The following HTT variants were observed in gnomAD, a reference collection of about 807,000 sequenced individuals.
HTT encodes the protein huntingtin, also known as huntington disease protein.
Under a neutral mutation model 362.3 loss-of-function variants are expected in HTT, and 104 were observed. That is an observed-to-expected ratio of 0.29 (90% CI 0.24 to 0.34). The LOEUF (loss-of-function observed/expected upper bound fraction) is 0.34. HTT is among the 10% of genes least tolerant of loss of function. The pLI, the probability that HTT is intolerant of heterozygous loss-of-function variation, is 1.00. For missense variants in HTT, 3,301 were observed against 3,928.6 expected (o/e 0.84, Z 4.27); for synonymous variants, 1,577 against 1,548.7 (o/e 1.02, Z -0.43).
In HTT at chr4:3,228,144, A is replaced by G. The variant is rs1333893270; in HGVS notation, c.7849-471A>G. On this transcript the variant is annotated intron_variant, in intron 57 of 66. Transcript: ENST00000355072. The surrounding 1 kb of genome is among the most constrained non-coding windows in gnomAD (Gnocchi z 4.3). ...TCCCGAGAACCAGGCAGAAAGGAGG[A>G]CAGTCGAGGTGTGCTGACTGCGTGG... Among the ~76,000 whole-genome samples the G allele has an allele frequency of 6.6e-6, 1 of 152,036 alleles. No homozygotes were observed. The highest frequency in any genetic ancestry group is 1.5e-5 in the Non-Finnish European group (1 of 67,968).
chr4:3,215,502 A>G (rs565189739), intron 51 of HTT, among the ~76,000 whole-genome samples: 1 of 152,126 alleles, frequency 6.6e-6, no homozygotes, highest in Non-Finnish European at 1.5e-5. Context: ...CACACTCTGC[A>G]GTTATTCTGA....
In HTT at chr4:3,229,437, A is replaced by G. The variant is rs111203488; in HGVS notation, c.8109+428A>G. ...CCACACACAGCACACAACCACACAC[A>G]TGCACCACACACATGCCACATGTGC... On this transcript the variant is annotated intron_variant, in intron 59 of 66. Transcript: ENST00000355072. Among the ~76,000 whole-genome samples, 989 of 148,816 alleles carry G rather than the reference A, an allele frequency of 6.6e-3. 10 individuals are homozygous for G. The highest frequency in any genetic ancestry group is 0.023 in the African/African-American group (927 of 39,868).
At chr4:3,136,181 T>A in intron 20 of HTT, 45 bp from the exon 21 acceptor site, 1 of 1,348,764 alleles carries the variant, frequency 7.4e-7, no homozygotes, top group East Asian at 2.3e-5. Context: ...TAAAATTTAG[T>A]CAAATACAAG....
rs545249927 is a variant in HTT, at chr4:3,212,545, C to T, written c.6629-19C>T. 72 of 1,611,530 alleles carry T rather than the reference C, an allele frequency of 4.5e-5. No individual in the cohort carries two copies. In the Admixed American group the frequency reaches 9.0e-4, roughly 20 times the overall value. ...CTGTGCTCACGTTTGCACCCACCCA[C>T]GAGGTCCTTCTGTTTCAGGGGATGC... On this transcript the variant is annotated intron_variant, in intron 48 of 66. Transcript: ENST00000355072.
chr4:3,133,987 G>A (rs1240678889), intron 18 of HTT, among the ~76,000 whole-genome samples: 3 of 152,082 alleles, frequency 2.0e-5, no homozygotes, highest in Non-Finnish European at 2.9e-5. Flanking sequence ...CTGTTCTCTC[G>A]TGCTGTGGAG....
At chr4:3,123,780 G>A (rs1375466956) in intron 10 of HTT, among the ~76,000 whole-genome samples, 1 of 152,172 alleles carries the variant, frequency 6.6e-6, no homozygotes, top group Non-Finnish European at 1.5e-5. Context: ...ATATCAGAAT[G>A]TTCTGATAAA....
At chr4:3,199,674 C>T (rs1719441049) in intron 40 of HTT, 58 bp from the exon 41 acceptor site, 4 of 1,465,468 alleles carry the variant, frequency 2.7e-6, no homozygotes, top group African/African-American at 1.4e-5. Flanking sequence ...CTTCGCGTAG[C>T]CATGTGGCAC....
At chr4:3,191,744 A>G (rs2110253036) in intron 40 of HTT, among the ~76,000 whole-genome samples, 1 of 152,302 alleles carries the variant, frequency 6.6e-6, no homozygotes, top group South Asian at 2.1e-4. Flanking sequence ...AATAGAACTA[A>G]ACATGTAATT....
At chr4:3,166,593 C>T (rs1717719316) in intron 29 of HTT, among the ~76,000 whole-genome samples, 1 of 152,256 alleles carries the variant, frequency 6.6e-6, no homozygotes, top group African/African-American at 2.4e-5. Context: ...AGCTTCCCTG[C>T]TGCTTTGTTT....
At chr4:3,171,336 G>A (rs1717960244) in intron 29 of HTT, among the ~76,000 whole-genome samples, 1 of 152,094 alleles carries the variant, frequency 6.6e-6, no homozygotes, top group Non-Finnish European at 1.5e-5. Flanking sequence ...ATTGGTGTTG[G>A]CTTTTAGCAG....
chr4:3,084,141 G>T (rs1713072139), intron 1 of HTT, among the ~76,000 whole-genome samples: 2 of 151,804 alleles, frequency 1.3e-5, no homozygotes, highest in East Asian at 3.9e-4. Context: ...AGAGAGGGAG[G>T]TGAATGTGGT....
chr4:3,201,947 T>C (rs1266406001), intron 41 of HTT, among the ~76,000 whole-genome samples: 1 of 152,184 alleles, frequency 6.6e-6, no homozygotes, highest in East Asian at 1.9e-4. Context: ...CTTGACCCTC[T>C]CTCGGTTTGT....
chr4:3,188,311 C>A, intron 39 of HTT: 1 of 174,100 alleles, frequency 5.7e-6, no homozygotes, highest in Non-Finnish European at 1.2e-5. Context: ...CAGCCTGCCT[C>A]CAATAAATAC....
rs1438417120 is a variant in HTT at position 3,242,494 on chromosome 4, G to T, written c.*2435G>T. On this transcript the variant is annotated 3_prime_UTR_variant, in exon 67 of 67. Coordinates refer to ENST00000355072, the MANE Select transcript of HTT (RefSeq NM_001388492.1). ...GTGCCCGTGTCGGTTCTTCCTGGAA[G>T]TTGACTTTCCTTAGACCCGCCAGGT... 2 of 152,236 alleles carry T rather than the reference G, an allele frequency of 1.3e-5. No homozygotes were observed. Among genetic ancestry groups the T allele is most frequent in the African/African-American group, 4.8e-5 (2 of 41,452 alleles). The allele number at this position is 152,236 out of a possible 1,614,324, so 9.4% of individuals were successfully genotyped here. A position where few individuals can be genotyped will look rare whatever the true frequency, so the allele number is the denominator to read the frequency against.
chr4:3,171,657 G>A (rs2005787), intron 29 of HTT, among the ~76,000 whole-genome samples: 33,941 of 151,634 alleles, frequency 0.22, 6,275 homozygotes, highest in African/African-American at 0.52. Flanking sequence ...TTGTATTTTT[G>A]GTAGAGATGG....
chr4:3,138,034 C>A (rs1467414428), intron 21 of HTT, among the ~76,000 whole-genome samples: 7 of 152,052 alleles, frequency 4.6e-5, no homozygotes, highest in African/African-American at 7.2e-5. Context: ...TTGGTACTTA[C>A]TGTGAAACTG....
chr4:3,189,267 C>T (rs1365321996), intron 40 of HTT, among the ~76,000 whole-genome samples, 174 bp downstream of exon 40: 2 of 152,244 alleles, frequency 1.3e-5, no homozygotes, highest in Admixed American at 1.3e-4. Flanking sequence ...AGCAGTTCCA[C>T]TCTTGGGTAT....
At chr4:3,095,212 G>A (rs976369137) in intron 2 of HTT, among the ~76,000 whole-genome samples, 6 of 152,252 alleles carry the variant, frequency 3.9e-5, no homozygotes, top group Non-Finnish European at 8.8e-5. Context: ...CCGAGATCAC[G>A]CCACTGCACT....
chr4:3,096,664 G>A (rs1373372938), intron 2 of HTT, among the ~76,000 whole-genome samples: 3 of 152,186 alleles, frequency 2.0e-5, no homozygotes, highest in Non-Finnish European at 2.9e-5. Flanking sequence ...TGGATTGACT[G>A]ATATAAAAAC....
Sources: gnomAD v4.1 joint callset for allele counts (sites outside exome capture counted in the v4.1 genomes callset) on GRCh38, gnomAD v4.1.1 for gene constraint, Gnocchi (gnomAD v3.1) non-coding constraint, MANE v1.5 for transcripts, NCBI Gene and HGNC (gene_info 2026-07-23, HGNC 2026-07-21) for gene names.